CRADD: variants seen among roughly 807,000 people sequenced by gnomAD.
CRADD encodes the protein CARD and death domain containing adaptor protein.
CRADD carries 9 observed loss-of-function variants against 15.5 expected under a neutral mutation model. The ratio of observed to expected loss-of-function variants is 0.58; its 90% CI spans 0.35 to 1.01. The LOEUF is 1.01. Ranked by LOEUF, CRADD falls within the 50% of genes least tolerant of loss-of-function variation. CRADD has a pLI of 0.02. For missense variants in CRADD, 227 were observed against 250.3 expected (o/e 0.91, Z 0.63); for synonymous variants, 118 against 107.6 (o/e 1.10, Z -0.60).
At chr12:93,773,813 G>GTTTTT (rs3030268) in intron 2 of CRADD, among the ~76,000 whole-genome samples, 2,794 of 87,438 alleles carry the variant, frequency 0.032, 204 homozygotes, top group South Asian at 0.047. Flanking sequence ...TACTTTGTGA[G>GTTTTT]TTTTTTTTTT....
intron 2 of CRADD, among the ~76,000 whole-genome samples, chr12:93,700,057 C>T (rs1955806761): frequency 6.6e-6 from 1 of 152,142 alleles, no homozygotes; most frequent in South Asian, 2.1e-4. Flanking sequence ...TCATTGGTTC[C>T]AGGGGAAGAA....
chr12:93,729,769 G>C (rs1041006627), intron 2 of CRADD, among the ~76,000 whole-genome samples: 3 of 142,260 alleles, frequency 2.1e-5, no homozygotes, highest in Non-Finnish European at 4.5e-5. Context: ...TGGGCAACAA[G>C]AGAGAGACTC....
At chr12:93,714,755 C>T (rs532944587) in intron 2 of CRADD, 1 of 152,222 alleles carries the variant, frequency 6.6e-6, no homozygotes. Context: ...CCTACTGCGT[C>T]TGTCACTTTT....
intron 2 of CRADD, among the ~76,000 whole-genome samples, chr12:93,806,245 A>C (rs1957536218): frequency 6.6e-6 from 1 of 151,938 alleles, no homozygotes; most frequent in African/African-American, 2.4e-5. Flanking sequence ...AAAGATCAGG[A>C]GTTCGAGACC....
chr12:93,710,613 G>A (rs1956048113), intron 2 of CRADD, among the ~76,000 whole-genome samples: 1 of 152,092 alleles, frequency 6.6e-6, no homozygotes, highest in Non-Finnish European at 1.5e-5. Context: ...CCAAAGGGCT[G>A]GGATTACAGG....
chr12:93,806,424 C>A (rs1285610281), intron 2 of CRADD, among the ~76,000 whole-genome samples: 4 of 134,956 alleles, frequency 3.0e-5, no homozygotes, highest in African/African-American at 1.1e-4. Context: ...TGTACTCTGG[C>A]CTAGGCGACA....
Position 93,679,059 on chromosome 12 carries a change from C to A in CRADD, c.285C>A (p.Thr95=). The A allele has an allele frequency of 1.2e-6, 2 of 1,612,498 alleles. No individual in the cohort carries two copies. Among genetic ancestry groups the A allele is most frequent in the Admixed American group, 3.3e-5 (2 of 59,900 alleles). Residue 95 remains threonine (T), a synonymous_variant, in exon 2 of 3, where the codon ACC becomes ACA. Coordinates refer to ENST00000332896, the MANE Select transcript of CRADD (RefSeq NM_003805.5). ...KLKKAREEAM[T]DLPAGDRLTG... ...AGAAGGCAAGGGAAGAGGCCATGACCGACCTGCCTGCAGGTAGGCCTCAGA... is the reference window on the plus strand; with the variant it reads ...AGAAGGCAAGGGAAGAGGCCATGACAGACCTGCCTGCAGGTAGGCCTCAGA...
At chr12:93,795,379 G>A (rs12578165) in intron 2 of CRADD, among the ~76,000 whole-genome samples, 1 of 152,076 alleles carries the variant, frequency 6.6e-6, no homozygotes, top group East Asian at 1.9e-4. Flanking sequence ...TTCTTAAATA[G>A]GTTAAAGAAG....
In CRADD at chr12:93,788,446, C is replaced by T. The variant is rs578029310; in HGVS notation, c.299-61524C>T. Among the ~76,000 whole-genome samples the T allele has an allele frequency of 4.6e-5, 7 of 152,278 alleles. No homozygotes were observed. In the East Asian group the frequency reaches 7.7e-4, roughly 17 times the overall value. On this transcript the variant is annotated intron_variant, in intron 2 of 2. Transcript: ENST00000332896. ...GATTTGGGTGGGGACACAGCCAACC[C>T]GTATCAACACCTGACCACAGTGTGT... is the stretch of plus-strand genomic sequence containing the variant.
chr12:93,803,410 C>T (rs1161298838), intron 2 of CRADD, among the ~76,000 whole-genome samples: 1 of 152,180 alleles, frequency 6.6e-6, no homozygotes, highest in East Asian at 1.9e-4. Context: ...AAGAGGCCCA[C>T]TCCTCTATCG....
intron 2 of CRADD, among the ~76,000 whole-genome samples, chr12:93,785,049 C>T (rs961709607): frequency 6.6e-6 from 1 of 151,680 alleles, no homozygotes; most frequent in Non-Finnish European, 1.5e-5. Flanking sequence ...GCTTCAGTCA[C>T]ATATAGAAAC....
At chr12:93,883,782 A>G (rs1958518170) in intron 2 of CRADD, among the ~76,000 whole-genome samples, 1 of 152,228 alleles carries the variant, frequency 6.6e-6, no homozygotes, top group South Asian at 2.1e-4. Flanking sequence ...GCAGTGAGCT[A>G]GGATCCTACC....
At chr12:93,773,148 A>G (rs1362004070) in intron 2 of CRADD, among the ~76,000 whole-genome samples, 1 of 152,222 alleles carries the variant, frequency 6.6e-6, no homozygotes, top group South Asian at 2.1e-4. Context: ...GACAGTATAT[A>G]TGCAATATGT....
chr12:93,739,564 G>T (rs1005353000), intron 2 of CRADD, among the ~76,000 whole-genome samples: 1 of 151,588 alleles, frequency 6.6e-6, no homozygotes, highest in East Asian at 1.9e-4. Flanking sequence ...AAGCATCAAG[G>T]CTGTCTCCTA....
At chr12:93,730,914 C>T (rs953676596) in intron 2 of CRADD, among the ~76,000 whole-genome samples, 1 of 151,998 alleles carries the variant, frequency 6.6e-6, no homozygotes, top group Non-Finnish European at 1.5e-5. Flanking sequence ...CGGGGTTTCA[C>T]CATGTTGGCC....
At position 93,745,009 on chromosome 12, in the gene CRADD, A is replaced by G. The variant is rs73361572; in HGVS notation, c.298+65937A>G. 4.1e-3 allele frequency among the ~76,000 whole-genome samples: 627 copies of G among 152,338 alleles called. 5 individuals are homozygous for G. The highest frequency in any genetic ancestry group is 0.014 in the African/African-American group (602 of 41,574). On this transcript the variant is annotated intron_variant, in intron 2 of 2. Coordinates refer to ENST00000332896, the MANE Select transcript of CRADD (RefSeq NM_003805.5). The stretch of plus-strand genomic sequence containing the variant: ...TGGTATATTCAAATATAATTCTATT[A>G]GATTCCAATTTTGAATAAGAAACTG...
At chr12:93,800,329 A>G (rs1957463564) in intron 2 of CRADD, among the ~76,000 whole-genome samples, 1 of 151,930 alleles carries the variant, frequency 6.6e-6, no homozygotes, top group Admixed American at 6.6e-5. Flanking sequence ...AAGAGAGAAA[A>G]TTCACCCTTC....
intron 2 of CRADD, among the ~76,000 whole-genome samples, chr12:93,818,697 C>T (rs1957736474): frequency 6.6e-6 from 1 of 152,162 alleles, no homozygotes; most frequent in Non-Finnish European, 1.5e-5. Context: ...TCCCCAGACC[C>T]CTGGCAGGGA....
At chr12:93,873,675 G>GT (rs1958437871) in intron 2 of CRADD, among the ~76,000 whole-genome samples, 1 of 152,034 alleles carries the variant, frequency 6.6e-6, no homozygotes, top group Non-Finnish European at 1.5e-5. Context: ...TGATCATATA[G>GT]TTTTTACCTT....
Sources: gnomAD v4.1 joint callset for allele counts (sites outside exome capture counted in the v4.1 genomes callset) on GRCh38, gnomAD v4.1.1 for gene constraint, MANE v1.5 for transcripts, NCBI Gene and HGNC (gene_info 2026-07-23, HGNC 2026-07-21) for gene names.